GABRB3: variants seen among roughly 807,000 people sequenced by gnomAD.
GABRB3 encodes gamma-aminobutyric acid type A receptor subunit beta3.
A neutral mutation model predicts 52.1 loss-of-function variants in GABRB3; 14 were observed. The ratio of observed to expected loss-of-function variants is 0.27; its 90% CI spans 0.18 to 0.42. GABRB3 has a LOEUF of 0.42. Ranked by LOEUF, GABRB3 falls within the 10% of genes least tolerant of loss-of-function variation. The pLI, the probability that GABRB3 is intolerant of heterozygous loss-of-function variation, is 1.00. For missense variants in GABRB3, 307 were observed against 609.1 expected, an observed-to-expected ratio of 0.50 and a Z score of 5.22; for synonymous variants, 260 against 232.3, an observed-to-expected ratio of 1.12 and a Z score of -1.08.
At chr15:26,736,664 G>A (rs895838840) in intron 3 of GABRB3, among the ~76,000 whole-genome samples, 1 of 152,232 alleles carries the variant, frequency 6.6e-6, no homozygotes, top group African/African-American at 2.4e-5. Context: ...GGGTGCTGCA[G>A]GACAGTGGAT....
intron 7 of GABRB3, among the ~76,000 whole-genome samples, chr15:26,564,521 T>G (rs529784539): frequency 3.9e-5 from 6 of 152,150 alleles, no homozygotes; most frequent in Non-Finnish European, 5.9e-5. Flanking sequence ...GAGCCCTCAA[T>G]AGAGGCCTCT....
At chr15:26,601,291 T>C (rs954300414) in intron 4 of GABRB3, among the ~76,000 whole-genome samples, 1 of 151,904 alleles carries the variant, frequency 6.6e-6, no homozygotes, top group African/African-American at 2.4e-5. Context: ...GCACCTGTAA[T>C]CCTAGCTACT....
chr15:26,725,208 CAT>C (rs1205918984), intron 3 of GABRB3, among the ~76,000 whole-genome samples: 3 of 152,212 alleles, frequency 2.0e-5, no homozygotes, highest in African/African-American at 7.2e-5. Flanking sequence ...TCTGGATTTT[CAT>C]AGCCTTGTGA....
rs1567097699 is a variant in GABRB3, at chr15:26,554,179, T to TATATATATAAA, written c.1081-6046_1081-6045insTTTATATATAT. Among the ~76,000 whole-genome samples the TATATATATAAA allele has an allele frequency of 3.8e-4, 10 of 26,132 alleles. 1 individual carries two copies. The highest frequency in any genetic ancestry group is 5.1e-4 in the East Asian group (1 of 1,968). The allele number at this position is 26,132 out of a possible 152,430, so 17.1% of individuals were successfully genotyped here. On this transcript the variant is annotated intron_variant, in intron 8 of 8. Coordinates refer to ENST00000311550, the MANE Select transcript of GABRB3 (RefSeq NM_000814.6). The stretch of plus-strand genomic sequence containing the variant: ...ATATAAAGTATATATATATAAAGTA[T>TATATATATAAA]ATATATATATACTATATATATATAT...
chr15:26,744,749 C>T (rs1890293362), intron 3 of GABRB3, among the ~76,000 whole-genome samples: 1 of 152,128 alleles, frequency 6.6e-6, no homozygotes, highest in South Asian at 2.1e-4. Context: ...TTCATTAAAA[C>T]TTGAATAATC....
chr15:26,580,543 C>G, intron 5 of GABRB3, 87 bp from the exon 6 acceptor site: 2 of 1,544,814 alleles, frequency 1.3e-6, no homozygotes, highest in Non-Finnish European at 1.8e-6. Flanking sequence ...ATGGAGGTTG[C>G]GGCTCTGCTA....
intron 8 of GABRB3, among the ~76,000 whole-genome samples, chr15:26,553,753 T>G (rs1250151652): frequency 6.6e-6 from 1 of 151,980 alleles, no homozygotes; most frequent in African/African-American, 2.4e-5. Flanking sequence ...TGCCCTGTCC[T>G]TAGTCAGGAG....
chr15:26,596,292 A>C (rs934845095), intron 4 of GABRB3, among the ~76,000 whole-genome samples: 1 of 152,202 alleles, frequency 6.6e-6, no homozygotes, highest in Non-Finnish European at 1.5e-5. Context: ...TAAATGAAAA[A>C]GGGAATATAA....
chr15:26,729,679 T>A (rs1021797323), intron 3 of GABRB3, among the ~76,000 whole-genome samples: 2 of 152,170 alleles, frequency 1.3e-5, no homozygotes, highest in Non-Finnish European at 2.9e-5. Flanking sequence ...CATGCTTTAC[T>A]TTTTCAGGGC....
intron 3 of GABRB3, among the ~76,000 whole-genome samples, chr15:26,674,683 G>A (rs1239447849): frequency 6.6e-6 from 1 of 152,152 alleles, no homozygotes; most frequent in African/African-American, 2.4e-5. Context: ...GATGCCACAA[G>A]GCCTCTCTGG....
At chr15:26,684,523 G>A (rs1433670541) in intron 3 of GABRB3, among the ~76,000 whole-genome samples, 3 of 152,228 alleles carry the variant, frequency 2.0e-5, no homozygotes, top group African/African-American at 2.4e-5. Context: ...CCTAGCTTTC[G>A]GCCTGTTTTG....
At chr15:26,625,020 C>A in intron 3 of GABRB3, 1 of 956,502 alleles carries the variant, frequency 1.0e-6, no homozygotes, top group Non-Finnish European at 1.2e-6. Context: ...TATCCTATAT[C>A]GATGAAGTAA....
At chr15:26,754,256 G>A (rs978886273) in intron 3 of GABRB3, among the ~76,000 whole-genome samples, 29 of 152,290 alleles carry the variant, frequency 1.9e-4, no homozygotes, top group Admixed American at 7.2e-4. Context: ...AAGACGACCA[G>A]CAACAAGGGT....
chr15:26,672,292 C>T (rs1208928506), intron 3 of GABRB3, among the ~76,000 whole-genome samples: 1 of 152,170 alleles, frequency 6.6e-6, no homozygotes. Context: ...CATCTCCAGG[C>T]ATTTTATAAC....
chr15:26,773,717 G>C (rs1176369889), upstream of GABRB3: 1 of 1,567,926 alleles, frequency 6.4e-7, no homozygotes, highest in Non-Finnish European at 8.6e-7. Flanking sequence ...CAGGAGCCCG[G>C]AGCACATGGC....
chr15:26,699,874 C>T (rs7177944), intron 3 of GABRB3, among the ~76,000 whole-genome samples: 21,569 of 150,526 alleles, frequency 0.14, 1,674 homozygotes, highest in Non-Finnish European at 0.17. Context: ...TTTACAACCA[C>T]TGAAAGTCTA....
At chr15:26,554,012 C>T (rs1429979249) in intron 8 of GABRB3, among the ~76,000 whole-genome samples, 2 of 34,540 alleles carry the variant, frequency 5.8e-5, no homozygotes, top group African/African-American at 2.9e-4. Flanking sequence ...GTAGCTGACA[C>T]CTGACTATTT....
At chr15:26,609,899 GTTTCT>G (rs1340400785) in intron 4 of GABRB3, among the ~76,000 whole-genome samples, 1 of 152,122 alleles carries the variant, frequency 6.6e-6, no homozygotes, top group Non-Finnish European at 1.5e-5. Flanking sequence ...GTTGTTGACA[GTTTCT>G]TTTGAGTAAC....
At chr15:26,551,503 G>A (rs952834162) in intron 8 of GABRB3, among the ~76,000 whole-genome samples, 4 of 152,194 alleles carry the variant, frequency 2.6e-5, no homozygotes, top group African/African-American at 9.6e-5. Flanking sequence ...CGCCTGCCCA[G>A]TGCTGAATCT....
Sources: allele counts gnomAD v4.1 joint callset (sites outside exome capture counted in the v4.1 genomes callset), GRCh38; gene constraint gnomAD v4.1.1; transcripts MANE v1.5; gene names NCBI Gene and HGNC (gene_info 2026-07-23, HGNC 2026-07-21).